The following COXFA4 variants were observed in gnomAD, a reference collection of about 807,000 sequenced individuals.
COXFA4 encodes the protein cytochrome c oxidase associated subunit FA4, also known as cytochrome c oxidase subunit FA4.
the COXFA4 span, chr7:10,933,318 A>T: frequency 3.7e-5 from 11 of 299,400 alleles, no homozygotes; most frequent in Admixed American, 4.8e-5. Context: ...CTATACACAA[A>T]ATGGAAGTGT....
At chr7:10,940,045 T>C in the COXFA4 span, 1 of 1,613,798 alleles carries the variant, frequency 6.2e-7, no homozygotes, top group Non-Finnish European at 8.5e-7. Flanking sequence ...TGACCGATGA[T>C]CTGGCGGAGC....
chr7:10,940,063 C>T, the COXFA4 span: 3 of 1,613,560 alleles, frequency 1.9e-6, no homozygotes, highest in Non-Finnish European at 2.5e-6. Flanking sequence ...AGCATGTTTG[C>T]GGCAGAGGTC....
the COXFA4 span, among the ~76,000 whole-genome samples, chr7:10,933,867 C>T: frequency 6.6e-6 from 1 of 152,062 alleles, no homozygotes; most frequent in Non-Finnish European, 1.5e-5. Flanking sequence ...AAAATTCCAG[C>T]CTTCAATGAT....
the COXFA4 span, chr7:10,939,525 G>A: frequency 5.6e-6 from 1 of 177,808 alleles, no homozygotes; most frequent in Non-Finnish European, 1.2e-5. Flanking sequence ...TCCACACTTC[G>A]AAATTTTCCC....
chr7:10,938,774 G>A, the COXFA4 span: 1 of 1,526,664 alleles, frequency 6.6e-7, no homozygotes, highest in Non-Finnish European at 9.1e-7. Context: ...GCCTTGATCA[G>A]CTATCAAAGT....
the COXFA4 span, chr7:10,940,036 GACC>G: frequency 1.2e-6 from 2 of 1,613,888 alleles, no homozygotes; most frequent in Non-Finnish European, 1.7e-6. Context: ...TTCTTGGCCT[GACC>G]GATGATCTGG....
At chr7:10,936,452 GTTT>G in the COXFA4 span, among the ~76,000 whole-genome samples, 1 of 152,116 alleles carries the variant, frequency 6.6e-6, no homozygotes, top group African/African-American at 2.4e-5. Context: ...AAGCCTGCTA[GTTT>G]TTTTGTTTGT....
the COXFA4 span, among the ~76,000 whole-genome samples, chr7:10,935,173 G>A: frequency 7.2e-4 from 109 of 152,330 alleles, no homozygotes; most frequent in African/African-American, 2.6e-3. Context: ...GCACATTCAT[G>A]GCATTGTTGC....
chr7:10,932,795 C>T, the COXFA4 span: 2 of 152,062 alleles, frequency 1.3e-5, no homozygotes, highest in African/African-American at 4.8e-5. Flanking sequence ...CATGGCAAAA[C>T]CCTGTCTCTA....
chr7:10,937,476 T>A, the COXFA4 span, among the ~76,000 whole-genome samples: 1 of 152,052 alleles, frequency 6.6e-6, no homozygotes, highest in Non-Finnish European at 1.5e-5. Flanking sequence ...AGAGATGGGG[T>A]TTCACCATAT....
the COXFA4 span, among the ~76,000 whole-genome samples, chr7:10,934,893 G>T: frequency 6.6e-6 from 1 of 152,092 alleles, no homozygotes; most frequent in East Asian, 1.9e-4. Flanking sequence ...AGACAATAAG[G>T]TTAAAAAAAG....
the COXFA4 span, among the ~76,000 whole-genome samples, chr7:10,934,205 T>C: frequency 6.6e-6 from 1 of 151,992 alleles, no homozygotes; most frequent in African/African-American, 2.4e-5. Flanking sequence ...TTCTAAGATA[T>C]TTTCTCTCTC....
At chr7:10,938,130 G>C in the COXFA4 span, 4 of 1,612,958 alleles carry the variant, frequency 2.5e-6, no homozygotes, top group Admixed American at 3.3e-5. Context: ...CCAGGGCTCT[G>C]GGTTATTTCT....
At chr7:10,935,154 G>A in the COXFA4 span, among the ~76,000 whole-genome samples, 1 of 152,210 alleles carries the variant, frequency 6.6e-6, no homozygotes, top group Non-Finnish European at 1.5e-5. Flanking sequence ...CACCCACGCA[G>A]AGTCAAAAGC....
chr7:10,939,238 C>A, the COXFA4 span: 1 of 236,334 alleles, frequency 4.2e-6, no homozygotes, highest in East Asian at 1.1e-4. Context: ...ATTAAATTTT[C>A]TGGCTTCCTT....
the COXFA4 span, chr7:10,940,067 A>C: frequency 1.2e-6 from 2 of 1,613,664 alleles, no homozygotes; most frequent in Non-Finnish European, 1.7e-6. Context: ...TGTTTGCGGC[A>C]GAGGTCTCCG....
At chr7:10,938,828 T>C in the COXFA4 span, 1 of 1,613,512 alleles carries the variant, frequency 6.2e-7, no homozygotes, top group Non-Finnish European at 8.5e-7. Flanking sequence ...GATTGAACAA[T>C]GCCAGACGCA....
the COXFA4 span, chr7:10,938,258 T>C: frequency 3.2e-6 from 3 of 929,232 alleles, no homozygotes; most frequent in African/African-American, 1.6e-5. Context: ...AGATGAGGTA[T>C]GGTGTTATTT....
the COXFA4 span, among the ~76,000 whole-genome samples, chr7:10,936,690 A>G: frequency 5.3e-5 from 8 of 152,168 alleles, no homozygotes. Flanking sequence ...TAGAAGCCAA[A>G]TTATAATCAG....
Sources: gnomAD v4.1 joint callset for allele counts (sites outside exome capture counted in the v4.1 genomes callset) on GRCh38, gnomAD v4.1.1 for gene constraint, MANE v1.5 for transcripts, NCBI Gene and HGNC (gene_info 2026-07-23, HGNC 2026-07-21) for gene names.